GRM8: variants seen among roughly 807,000 people sequenced by gnomAD.
GRM8 encodes the protein glutamate metabotropic receptor 8.
In GRM8, 47 loss-of-function variants were observed where a neutral mutation model predicts 87.2. That is an observed-to-expected ratio of 0.54 (90% confidence interval 0.43 to 0.69). GRM8 has a LOEUF of 0.69. Ranked by LOEUF, GRM8 falls within the 30% of genes least tolerant of loss-of-function variation. The pLI, the probability that GRM8 is intolerant of heterozygous loss-of-function variation, is 0.00. For synonymous variants in GRM8, 396 were observed against 404.5 expected, an observed-to-expected ratio of 0.98 and a Z score of 0.25; for missense variants, 1,019 against 1,139.2, an observed-to-expected ratio of 0.89 and a Z score of 1.52.
intron 8 of GRM8, among the ~76,000 whole-genome samples, chr7:126,588,611 A>G (rs1447632394): frequency 1.3e-5 from 2 of 152,158 alleles, no homozygotes; most frequent in South Asian, 2.1e-4. Flanking sequence ...TTTATGGGGG[A>G]AAATGGCAGA....
chr7:126,706,455 T>G (rs1290005806), intron 7 of GRM8, among the ~76,000 whole-genome samples: 10 of 152,014 alleles, frequency 6.6e-5, no homozygotes, highest in Non-Finnish European at 1.5e-4. Context: ...CAGTTTGAAG[T>G]CAGTAAGGTG....
rs866253714 is a variant in GRM8, at chr7:126,643,341, T to G, written c.1358-33843A>C. Among the ~76,000 whole-genome samples the G allele has an allele frequency of 1.2e-4, 13 of 104,728 alleles. 1 individual carries two copies. Among genetic ancestry groups the G allele is most frequent in the African/African-American group, 2.3e-4 (6 of 26,030 alleles). 68.7% of individuals were successfully genotyped at this position (104,728 alleles called of 152,430 possible). ...AAAAATATATATATATATATATATA[T>G]ATATATATATATATAGTTTGAAGCA... On this transcript the variant is annotated intron_variant, in intron 7 of 10. Transcript: ENST00000339582.
chr7:127,025,736 C>CT (rs1272619046), intron 3 of GRM8, among the ~76,000 whole-genome samples: 3 of 152,012 alleles, frequency 2.0e-5, no homozygotes. Flanking sequence ...AAAGCAGACT[C>CT]TATTTTCTCT....
At chr7:127,224,733 A>G (rs1236725925) in intron 2 of GRM8, among the ~76,000 whole-genome samples, 1 of 152,234 alleles carries the variant, frequency 6.6e-6, no homozygotes, top group African/African-American at 2.4e-5. Flanking sequence ...TATGCAAAAG[A>G]AATAAGACAA....
intron 3 of GRM8, among the ~76,000 whole-genome samples, chr7:126,916,036 G>A (rs995375009): frequency 6.6e-6 from 1 of 152,130 alleles, no homozygotes; most frequent in African/African-American, 2.4e-5. Context: ...AAATACAACA[G>A]GAAGATTTCA....
intron 3 of GRM8, among the ~76,000 whole-genome samples, chr7:126,906,433 A>G (rs1189687589): frequency 1.3e-5 from 2 of 152,072 alleles, no homozygotes; most frequent in African/African-American, 4.8e-5. Context: ...TGCTCACCTC[A>G]TCCTCCGGAG....
intron 7 of GRM8, among the ~76,000 whole-genome samples, chr7:126,666,732 C>T (rs1474543272): frequency 6.6e-6 from 1 of 151,954 alleles, no homozygotes; most frequent in Non-Finnish European, 1.5e-5. Context: ...CACAGATTTG[C>T]AATCCCTTAT....
intron 7 of GRM8, among the ~76,000 whole-genome samples, chr7:126,643,584 A>G (rs901329239): frequency 1.3e-5 from 2 of 152,184 alleles, no homozygotes; most frequent in South Asian, 4.1e-4. Context: ...GAATTTGTCA[A>G]ATATCCTGGA....
At chr7:127,028,294 CTT>C (rs988416218) in intron 3 of GRM8, among the ~76,000 whole-genome samples, 15 of 152,228 alleles carry the variant, frequency 9.9e-5, no homozygotes, top group African/African-American at 3.4e-4. Flanking sequence ...CTAAAATCCT[CTT>C]TTTTTGTTGT....
Position 126,872,337 on chromosome 7 carries a change from C to G in GRM8, c.1156+30205G>C, listed in dbSNP as rs76963222. ...GAAGCTGGAGGACACATGCTTAGAA[C>G]CATAGGGAAAAAGCCATTCACATTC... On this transcript the variant is annotated intron_variant, in intron 6 of 10. Coordinates refer to ENST00000339582, the MANE Select transcript of GRM8 (RefSeq NM_000845.3). 2.8e-3 allele frequency among the ~76,000 whole-genome samples: 431 copies of G among 152,184 alleles called. 6 individuals are homozygous for G. In the East Asian group the frequency reaches 0.049, roughly 17 times the overall value.
chr7:126,895,868 T>C lies in GRM8; in HGVS notation c.1156+6674A>G, dbSNP rs530063731. 3.5e-4 allele frequency among the ~76,000 whole-genome samples: 53 copies of C among 151,698 alleles called. 1 individual carries two copies. In the East Asian group the frequency reaches 0.01, roughly 29 times the overall value. Reference sequence around the variant, plus strand: ...ATAAAGGATTAGGTAATAACCAATATGTTATTTTTGCTTCACTTTATAGTT... The same window carrying C: ...ATAAAGGATTAGGTAATAACCAATACGTTATTTTTGCTTCACTTTATAGTT... On this transcript the variant is annotated intron_variant, in intron 6 of 10. Transcript: ENST00000339582.
At chr7:126,631,859 T>C (rs1801303731) in intron 7 of GRM8, among the ~76,000 whole-genome samples, 2 of 152,176 alleles carry the variant, frequency 1.3e-5, no homozygotes, top group Admixed American at 6.5e-5. Flanking sequence ...ATCCCTTTTT[T>C]ACACCTTATA....
In GRM8 at chr7:126,533,207, A is replaced by G; in HGVS notation, c.2175T>C (p.Tyr725=). ...VVDPPHIIID[Y]GEQRTLDPEK... is the part of the protein sequence containing the mutation. The stretch of plus-strand genomic sequence containing the variant: ...CTGGATCTAGTGTCCGCTGCTCTCC[A>G]TAGTCAATGATGATGTGGGGGGGAT... Residue 725 remains tyrosine, a synonymous_variant, in exon 9 of 11, where the codon TAT becomes TAC. Transcript: ENST00000339582. The G allele has an allele frequency of 6.2e-7, 1 of 1,613,120 alleles. No homozygotes were observed. Among genetic ancestry groups the G allele is most frequent in the South Asian group, 1.1e-5 (1 of 91,004 alleles).
chr7:126,796,743 T>A (rs1174386472), intron 6 of GRM8, among the ~76,000 whole-genome samples: 1 of 152,094 alleles, frequency 6.6e-6, no homozygotes, highest in Non-Finnish European at 1.5e-5. Context: ...GATCCTCTAG[T>A]TAAAGCACCC....
At chr7:126,476,525 T>C (rs1213666484) in intron 9 of GRM8, among the ~76,000 whole-genome samples, 1 of 152,110 alleles carries the variant, frequency 6.6e-6, no homozygotes, top group East Asian at 1.9e-4. Flanking sequence ...GTCCAAAATA[T>C]GTAAGAAAGT....
intron 3 of GRM8, among the ~76,000 whole-genome samples, chr7:126,978,057 T>C (rs1811184689): frequency 6.6e-6 from 1 of 152,154 alleles, no homozygotes; most frequent in African/African-American, 2.4e-5. Flanking sequence ...ATAGTAGCAA[T>C]ACAGGCAACT....
chr7:127,083,727 CCT>C (rs1171322332), intron 3 of GRM8, among the ~76,000 whole-genome samples: 1 of 152,078 alleles, frequency 6.6e-6, no homozygotes, highest in African/African-American at 2.4e-5. Flanking sequence ...ATGCTGCCCC[CCT>C]CTTTCACAAA....
At chr7:126,694,654 G>C (rs905359355) in intron 7 of GRM8, among the ~76,000 whole-genome samples, 43 of 152,198 alleles carry the variant, frequency 2.8e-4, no homozygotes, top group African/African-American at 9.6e-4. Context: ...AAGCTCTTGA[G>C]TGTTGAAATA....
chr7:126,547,421 C>T (rs1817275774), intron 8 of GRM8, among the ~76,000 whole-genome samples: 1 of 151,386 alleles, frequency 6.6e-6, no homozygotes, highest in Non-Finnish European at 1.5e-5. Context: ...ATTCAGAAAG[C>T]ATAAAAGAAT....
Sources: gnomAD v4.1 joint callset for allele counts (sites outside exome capture counted in the v4.1 genomes callset) on GRCh38, gnomAD v4.1.1 for gene constraint, MANE v1.5 for transcripts, NCBI Gene and HGNC (gene_info 2026-07-23, HGNC 2026-07-21) for gene names.